Variants in ELAVL2 observed in about 807,000 individuals in gnomAD.
The protein encoded by ELAVL2 is ELAV-like protein 2.
A neutral mutation model predicts 34.6 loss-of-function variants in ELAVL2; 4 were observed. The ratio of observed to expected loss-of-function variants is 0.12; its 90% CI spans 0.06 to 0.26. The LOEUF (loss-of-function observed/expected upper bound fraction) is 0.26. ELAVL2 is among the 10% of genes least tolerant of loss of function. The pLI, the probability that ELAVL2 is intolerant of heterozygous loss-of-function variation, is 1.00. For missense variants in ELAVL2, 432 were observed against 442.8 expected, an observed-to-expected ratio of 0.98 and a Z score of 0.22; for synonymous variants, 193 against 154.8, an observed-to-expected ratio of 1.25 and a Z score of -1.83.
intron 1 of ELAVL2, among the ~76,000 whole-genome samples, chr9:23,824,572 A>AC (rs1382815277): frequency 1.3e-5 from 2 of 151,428 alleles, no homozygotes; most frequent in African/African-American, 4.9e-5. Flanking sequence ...ACTCACCCAC[A>AC]CCCCCTCGTG....
intron 4 of ELAVL2, among the ~76,000 whole-genome samples, chr9:23,704,096 C>T (rs563396969): frequency 7.3e-6 from 1 of 137,036 alleles, no homozygotes; most frequent in African/African-American, 2.6e-5. Flanking sequence ...TCACACCCAG[C>T]TAATTTTGTA....
intron 1 of ELAVL2, among the ~76,000 whole-genome samples, chr9:23,814,640 T>C (rs542629826): frequency 5.9e-5 from 9 of 152,074 alleles, no homozygotes; most frequent in Admixed American, 1.3e-4. Flanking sequence ...AAAAGTGGTG[T>C]TGAATAAACT....
intron 3 of ELAVL2, 43 bp from the exon 4 acceptor site, chr9:23,705,114 C>T (rs1192528958): frequency 6.2e-7 from 1 of 1,607,042 alleles, no homozygotes; most frequent in African/African-American, 1.3e-5. Flanking sequence ...CATGCTCACT[C>T]ACCCACCTCC....
chr9:23,735,822 T>G (rs1412324412), intron 2 of ELAVL2, among the ~76,000 whole-genome samples: 1 of 152,086 alleles, frequency 6.6e-6, no homozygotes, highest in East Asian at 1.9e-4. Context: ...ACCACAGAGC[T>G]GAAGCACTCC....
chr9:23,842,466 C>A, the ELAVL2 span, among the ~76,000 whole-genome samples: 1 of 152,112 alleles, frequency 6.6e-6, no homozygotes, highest in Non-Finnish European at 1.5e-5. Context: ...CTTTCTGACT[C>A]ATGGCCAGAT....
At chr9:23,761,859 G>T in intron 2 of ELAVL2, 147 bp downstream of exon 2, 1 of 1,155,470 alleles carries the variant, frequency 8.7e-7, no homozygotes, top group Non-Finnish European at 1.2e-6. Flanking sequence ...TTTAAACTAA[G>T]TTTCATATTG....
chr9:23,828,127 T>A (rs1201886167), upstream of ELAVL2, among the ~76,000 whole-genome samples: 1 of 152,146 alleles, frequency 6.6e-6, no homozygotes, highest in African/African-American at 2.4e-5. Context: ...GATGTATGAA[T>A]AACAGAAGAT....
chr9:23,695,440 G>T (rs1273732487), intron 5 of ELAVL2, among the ~76,000 whole-genome samples: 1 of 152,094 alleles, frequency 6.6e-6, no homozygotes, highest in Non-Finnish European at 1.5e-5. Flanking sequence ...CCCAGAGACA[G>T]ATGAGTTTTC....
intron 4 of ELAVL2, 84 bp from the exon 5 acceptor site, chr9:23,701,688 C>A: frequency 7.0e-7 from 1 of 1,426,028 alleles, no homozygotes; most frequent in Non-Finnish European, 9.6e-7. Context: ...TTAATTTTTC[C>A]TTCTCAAGAA....
chr9:23,735,808 C>T (rs932069829), intron 2 of ELAVL2, among the ~76,000 whole-genome samples: 2 of 152,156 alleles, frequency 1.3e-5, no homozygotes, highest in African/African-American at 4.8e-5. Flanking sequence ...GTCAAGGGAT[C>T]TATACCACAG....
At chr9:23,766,381 G>C (rs34123895) in intron 1 of ELAVL2, among the ~76,000 whole-genome samples, 4,575 of 152,188 alleles carry the variant, frequency 0.03, 86 homozygotes, top group East Asian at 0.073. Context: ...GAACCCAACT[G>C]TAGTTAAGAC....
chr9:23,691,296 T>C lies in ELAVL2; in HGVS notation c.*1261A>G, dbSNP rs975323192. ...AGCTGAAAGGTTCATAAACACAAGG[T>C]CTTATTTACATTACACAAAGCTCAG... On this transcript the variant is annotated 3_prime_UTR_variant, in exon 7 of 7. Coordinates refer to ENST00000397312, the MANE Select transcript of ELAVL2 (RefSeq NM_004432.5). 6.6e-6 allele frequency: 1 copy of C among 152,572 alleles called. No homozygotes were observed. Among genetic ancestry groups the C allele is most frequent in the Admixed American group, 6.5e-5 (1 of 15,276 alleles). The allele number at this position is 152,572 out of a possible 1,614,324, so 9.5% of individuals were successfully genotyped here.
intron 2 of ELAVL2, among the ~76,000 whole-genome samples, chr9:23,759,356 G>C (rs1281686090): frequency 6.6e-6 from 1 of 151,848 alleles, no homozygotes; most frequent in African/African-American, 2.4e-5. Context: ...GAAAAATGCT[G>C]ATCTCATTGG....
Position 23,697,202 on chromosome 9 carries a change from A to G in ELAVL2, c.714-3716T>C, listed in dbSNP as rs1019348023. 8.5e-5 allele frequency among the ~76,000 whole-genome samples: 13 copies of G among 152,224 alleles called. No homozygotes were observed. The South Asian group carries it at 2.7e-3, about 32-fold the overall frequency. ...CATTTAAAGAAAAAGTAACTTAAAA[A>G]AAGATTACTACAAATGTAAATCAGA... On this transcript the variant is annotated intron_variant, in intron 5 of 6. Coordinates refer to ENST00000397312, the MANE Select transcript of ELAVL2 (RefSeq NM_004432.5).
intron 2 of ELAVL2, among the ~76,000 whole-genome samples, chr9:23,754,431 C>T (rs1375952243): frequency 6.6e-6 from 1 of 151,938 alleles, no homozygotes. Flanking sequence ...CAAAATATTC[C>T]ACTTTGGCAT....
chr9:23,850,238 C>A, the ELAVL2 span, among the ~76,000 whole-genome samples: 68,474 of 145,912 alleles, frequency 0.47, 16,945 homozygotes, highest in Middle Eastern at 0.6. Flanking sequence ...CACCACCACC[C>A]CCCCCGCCCC....
chr9:23,819,329 G>GA lies in ELAVL2; in HGVS notation c.-16+6476dup, dbSNP rs1407979839. ...TTCTCTTGTGAAGAGGCGGTAACCA[G>GA]AACAAATCAACCAAAAAAACTAAAT... On this transcript the variant is annotated intron_variant, in intron 1 of 6. Transcript: ENST00000397312. Among the ~76,000 whole-genome samples the GA allele has an allele frequency of 2.0e-5, 3 of 152,162 alleles. No homozygotes were observed. In the East Asian group the frequency reaches 5.8e-4, roughly 29 times the overall value.
chr9:23,789,888 A>T (rs1017724800), intron 1 of ELAVL2, among the ~76,000 whole-genome samples: 7 of 152,190 alleles, frequency 4.6e-5, no homozygotes, highest in African/African-American at 1.7e-4. Context: ...TAAGTGTTCT[A>T]TGCTTTTTAA....
intron 3 of ELAVL2, among the ~76,000 whole-genome samples, chr9:23,726,266 A>G (rs1318546780): frequency 6.6e-6 from 1 of 152,152 alleles, no homozygotes; most frequent in Non-Finnish European, 1.5e-5. Flanking sequence ...CATTTTTATA[A>G]TAGAATTTTC....
Sources: gnomAD v4.1 joint callset for allele counts (sites outside exome capture counted in the v4.1 genomes callset) on GRCh38, gnomAD v4.1.1 for gene constraint, MANE v1.5 for transcripts, NCBI Gene and HGNC (gene_info 2026-07-23, HGNC 2026-07-21) for gene names.